The following KIF13A variants were observed in gnomAD, a reference collection of about 807,000 sequenced individuals.
KIF13A encodes kinesin family member 13A.
KIF13A carries 79 observed loss-of-function variants against 212.2 expected under a neutral mutation model. That is an observed-to-expected ratio of 0.37 (90% CI 0.31 to 0.45). The LOEUF is 0.45. Ranked by LOEUF, KIF13A falls within the 20% of genes least tolerant of loss-of-function variation. The pLI is 1.00. For synonymous variants in KIF13A, 789 were observed against 808.6 expected (o/e 0.98, Z 0.41); for missense variants, 1,901 against 2,209.0 (o/e 0.86, Z 2.79).
At chr6:17,795,016 A>C in intron 23 of KIF13A, 1 of 255,410 alleles carries the variant, frequency 3.9e-6, no homozygotes, top group Admixed American at 5.0e-5. Context: ...TTCAATCCCC[A>C]CATTCCCGTA....
chr6:17,927,069 G>A (rs1332852514), intron 2 of KIF13A, among the ~76,000 whole-genome samples: 1 of 151,694 alleles, frequency 6.6e-6, no homozygotes, highest in Non-Finnish European at 1.5e-5. Flanking sequence ...GAACCCAGGA[G>A]ACAGGGGTTG....
At chr6:17,836,750 G>A in intron 11 of KIF13A, 128 bp downstream of exon 11, 1 of 828,860 alleles carries the variant, frequency 1.2e-6, no homozygotes, top group Non-Finnish European at 2.0e-6. Context: ...AATTCAACAT[G>A]AGATTTGGGT....
At chr6:17,983,556 G>A (rs187788284) in intron 2 of KIF13A, among the ~76,000 whole-genome samples, 4 of 145,978 alleles carry the variant, frequency 2.7e-5, no homozygotes, top group East Asian at 2.1e-4. Flanking sequence ...GCAGTAGCAC[G>A]ATCTCAGCTC....
intron 31 of KIF13A, among the ~76,000 whole-genome samples, 182 bp downstream of exon 31, chr6:17,780,544 CTGGA>C (rs1760468548): frequency 6.6e-6 from 1 of 152,192 alleles, no homozygotes; most frequent in Admixed American, 6.5e-5. Context: ...ACTGCCCTTA[CTGGA>C]TGACATTGAC....
At chr6:17,876,512 C>T (rs867665854) in intron 3 of KIF13A, among the ~76,000 whole-genome samples, 41 of 152,182 alleles carry the variant, frequency 2.7e-4, no homozygotes, top group African/African-American at 9.7e-4. Context: ...CCAAAGGAAT[C>T]ATCTTTTCTT....
At chr6:17,760,715 G>C, downstream of KIF13A, 1 of 779,442 alleles carries the variant, frequency 1.3e-6, no homozygotes, top group Non-Finnish European at 2.2e-6. Context: ...GGCCCAGGAA[G>C]TGCACGGTGT....
rs1758715665 is a variant in KIF13A, at chr6:17,763,917, T to C, written c.*193A>G. 1 of 1,424,422 alleles carries C rather than the reference T, an allele frequency of 7.0e-7. No individual in the cohort carries two copies. Among genetic ancestry groups the C allele is most frequent in the Non-Finnish European group, 9.1e-7 (1 of 1,094,060 alleles). The allele number at this position is 1,424,422 out of a possible 1,614,324, so 88.2% of individuals were successfully genotyped here. ...CCAACCCATGTGCCAGGTAAAAAAA[T>C]CCACTGGTCTTATAATTTCACAATT... is the stretch of plus-strand genomic sequence containing the variant. On this transcript the variant is annotated 3_prime_UTR_variant, in exon 39 of 39. Coordinates refer to ENST00000259711, the MANE Select transcript of KIF13A (RefSeq NM_022113.6).
In KIF13A at chr6:17,961,929, T is replaced by C. The variant is rs1778846164; in HGVS notation, c.146+25125A>G. Among the ~76,000 whole-genome samples, 1 of 152,210 alleles carries C rather than the reference T, an allele frequency of 6.6e-6. No individual in the cohort carries two copies. The highest frequency in any genetic ancestry group is 1.5e-5 in the Non-Finnish European group (1 of 68,044). ...CTTAAAATTTCAGAATTGGGATACATTTGACAATCAAGGTTTAATAGTTCA... is the reference window on the plus strand; with the variant it reads ...CTTAAAATTTCAGAATTGGGATACACTTGACAATCAAGGTTTAATAGTTCA... On this transcript the variant is annotated intron_variant, in intron 2 of 38. Coordinates refer to ENST00000259711, the MANE Select transcript of KIF13A (RefSeq NM_022113.6). The surrounding 1 kb of genome is among the most constrained non-coding windows in gnomAD (Gnocchi z 4.1).
chr6:17,945,902 T>C (rs914106368), intron 2 of KIF13A, among the ~76,000 whole-genome samples: 7 of 152,190 alleles, frequency 4.6e-5, no homozygotes, highest in African/African-American at 1.7e-4. Flanking sequence ...CCTAGTCTGA[T>C]AGAACCAGTA....
At position 17,771,586 on chromosome 6, in the gene KIF13A, C is replaced by CA. The variant is rs1372176274; in HGVS notation, c.4476+321dup. 6.2e-6 allele frequency: 2 copies of CA among 324,608 alleles called. No individual in the cohort carries two copies. Among genetic ancestry groups the CA allele is most frequent in the Non-Finnish European group, 1.1e-5 (2 of 178,630 alleles). The allele number at this position is 324,608 out of a possible 1,614,324, so 20.1% of individuals were successfully genotyped here. The stretch of plus-strand genomic sequence containing the variant: ...TATAAAAAACAAAATCAGAAATCCC[C>CA]AAAAAGACAAAAAAGAAAAATAATT... On this transcript the variant is annotated intron_variant, in intron 37 of 38. Transcript: ENST00000259711. This position sits in a 1 kb window ranked among gnomAD's most constrained non-coding sequence, Gnocchi z 5.4.
chr6:17,825,858 G>C lies in KIF13A; in HGVS notation c.1696C>G (p.Leu566Val). The change falls in exon 16 of 39, where the codon CTG (leucine) becomes GTG (valine). Residue 566 changes from leucine (L) to valine (V), a missense_variant. By Grantham distance (32) the Leu-to-Val change is conservative. Coordinates refer to ENST00000259711, the MANE Select transcript of KIF13A (RefSeq NM_022113.6). The surrounding 1 kb of genome is among the most constrained non-coding windows in gnomAD (Gnocchi z 4.5). ...EKETGPPEHD[L>V]DAASEASSEP... is the part of the protein sequence containing the mutation. ...GAGGAAGCCTCACTGGCTGCATCCA[G>C]GTCATGCTCTGGCGGGCCCGTTTCT... The C allele has an allele frequency of 6.2e-7, 1 of 1,613,940 alleles. No individual in the cohort carries two copies. The highest frequency in any genetic ancestry group is 8.5e-7 in the Non-Finnish European group (1 of 1,179,840).
intron 2 of KIF13A, among the ~76,000 whole-genome samples, chr6:17,942,318 C>G (rs1019829306): frequency 5.0e-5 from 7 of 139,318 alleles, no homozygotes; most frequent in African/African-American, 2.0e-4. Flanking sequence ...CAAAACACAA[C>G]AAGAACAACA....
intron 2 of KIF13A, chr6:17,953,753 GA>G (rs1223240550): frequency 1.6e-5 from 3 of 193,354 alleles, no homozygotes; most frequent in African/African-American, 6.9e-5. Context: ...CCTTTGCGCT[GA>G]ATACCAAATC....
chr6:17,822,044 T>A, intron 16 of KIF13A: 2 of 330,666 alleles, frequency 6.0e-6, no homozygotes, highest in East Asian at 8.6e-5. Flanking sequence ...ACATAACTTC[T>A]TTTTTTTTTT....
At chr6:17,890,423 C>T (rs897718622) in intron 3 of KIF13A, among the ~76,000 whole-genome samples, 7 of 151,976 alleles carry the variant, frequency 4.6e-5, no homozygotes, top group African/African-American at 1.7e-4. Context: ...CTGAGGCCAC[C>T]TGGGGATGCA....
At chr6:17,804,147 G>A (rs1762728949) in intron 20 of KIF13A, among the ~76,000 whole-genome samples, 1 of 82,066 alleles carries the variant, frequency 1.2e-5, no homozygotes, top group Non-Finnish European at 2.4e-5. Context: ...GTGAGACTCC[G>A]TCTCAAACAA....
At chr6:17,877,311 T>C (rs979289472) in intron 3 of KIF13A, among the ~76,000 whole-genome samples, 1 of 152,222 alleles carries the variant, frequency 6.6e-6, no homozygotes, top group African/African-American at 2.4e-5. Flanking sequence ...ACATTCACTC[T>C]GGTTTTATAA....
At position 17,773,686 on chromosome 6, in the gene KIF13A, C is replaced by G. The variant is rs1432798878; in HGVS notation, c.4219-103G>C. Reference sequence around the variant, plus strand: ...TGTTTTTTTTTAATGGCAGCATATGCTCTTCTTTATTTTTATTATGATTTA... The same window carrying G: ...TGTTTTTTTTTAATGGCAGCATATGGTCTTCTTTATTTTTATTATGATTTA... On this transcript the variant is annotated intron_variant, in intron 35 of 38. Transcript: ENST00000259711. The surrounding 1 kb of genome is among the most constrained non-coding windows in gnomAD (Gnocchi z 4.2). 2 of 545,646 alleles carry G rather than the reference C, an allele frequency of 3.7e-6. No homozygotes were observed. The highest frequency in any genetic ancestry group is 3.9e-5 in the African/African-American group (2 of 51,584). The allele number at this position is 545,646 out of a possible 1,614,324, so 33.8% of individuals were successfully genotyped here. A position where few individuals can be genotyped will look rare whatever the true frequency, so the allele number is the denominator to read the frequency against.
In KIF13A at chr6:17,787,770, A is replaced by C. The variant is rs201780226; in HGVS notation, c.3361+6T>G. The C allele has an allele frequency of 1.4e-3, 2,203 of 1,572,866 alleles. 3 individuals are homozygous for C. Among genetic ancestry groups the C allele is most frequent in the Non-Finnish European group, 1.8e-3 (2,027 of 1,142,454 alleles). ...ACTCCCCATAAAAGAGTTTGATCTC[A>C]CATACCTGTTTTATTGCTGACTTTT... On this transcript the variant is annotated splice_donor_region_variant and intron_variant, in intron 27 of 38. Coordinates refer to ENST00000259711, the MANE Select transcript of KIF13A (RefSeq NM_022113.6). The surrounding 1 kb of genome is among the most constrained non-coding windows in gnomAD (Gnocchi z 4.6).
Sources: gnomAD v4.1 joint callset for allele counts (sites outside exome capture counted in the v4.1 genomes callset) on GRCh38, gnomAD v4.1.1 for gene constraint, Gnocchi (gnomAD v3.1) non-coding constraint, MANE v1.5 for transcripts, NCBI Gene and HGNC (gene_info 2026-07-23, HGNC 2026-07-21) for gene names.